Variants in CD1A observed in about 807,000 individuals in gnomAD.
CD1A encodes the protein T-cell surface glycoprotein CD1a.
Under a neutral mutation model 38.3 loss-of-function variants are expected in CD1A, and 50 were observed. That is an observed-to-expected ratio of 1.30 (90% CI 1.04 to 1.65). The LOEUF (loss-of-function observed/expected upper bound fraction) is 1.65. Ranked by LOEUF, CD1A falls within the 40% of genes most tolerant of loss-of-function variation. CD1A has a pLI of 0.00. For missense variants in CD1A, 459 were observed against 406.1 expected, an observed-to-expected ratio of 1.13 and a Z score of -1.12; for synonymous variants, 160 against 150.8, an observed-to-expected ratio of 1.06 and a Z score of -0.45.
chr1:158,255,704 C>A (rs1650236322), intron 2 of CD1A, among the ~76,000 whole-genome samples: 1 of 152,156 alleles, frequency 6.6e-6, no homozygotes, highest in Non-Finnish European at 1.5e-5. Context: ...TCAATTGTAA[C>A]CCATTGCATT....
rs905569416 is a variant in CD1A, at chr1:158,254,456, G to C, written c.-214G>C. On this transcript the variant is annotated 5_prime_UTR_variant, in exon 1 of 6. Coordinates refer to ENST00000289429, the MANE Select transcript of CD1A (RefSeq NM_001763.3). ...AGGTTGGTGACAAGGAGAGAAGCTG[G>C]AACAGAGAGGAGAGTCAGAACCAGA... 4.3e-6 allele frequency: 6 copies of C among 1,391,774 alleles called. No homozygotes were observed. In the African/African-American group the frequency reaches 8.8e-5, roughly 20 times the overall value. The allele number at this position is 1,391,774 out of a possible 1,614,324, so 86.2% of individuals were successfully genotyped here. A position where few individuals can be genotyped will look rare whatever the true frequency, so the allele number is the denominator to read the frequency against.
In CD1A at chr1:158,254,829, GT is replaced by G. The variant is rs1650191432; in HGVS notation, c.58+103del. ...TGTGTGTGTGTGTGTGTGTGTGTGTGTGTGGTTTCCCTAGCATATACCTGGA... is the reference window on the plus strand; with the variant it reads ...TGTGTGTGTGTGTGTGTGTGTGTGTGGTGGTTTCCCTAGCATATACCTGGA... On this transcript the variant is annotated intron_variant, in intron 1 of 5. Transcript: ENST00000289429. 20 of 660,706 alleles carry G rather than the reference GT, an allele frequency of 3.0e-5. No individual in the cohort carries two copies. In the South Asian group the frequency reaches 3.3e-4, roughly 11 times the overall value. 40.9% of individuals were successfully genotyped at this position (660,706 alleles called of 1,614,324 possible). A position where few individuals can be genotyped will look rare whatever the true frequency, so the allele number is the denominator to read the frequency against.
At chr1:158,254,752 T>C in intron 1 of CD1A, 25 bp downstream of exon 1, 1 of 1,526,070 alleles carries the variant, frequency 6.6e-7, no homozygotes. Flanking sequence ...AACTGCCCAG[T>C]TGGGTGGTGG....
At chr1:158,250,260 C>T (rs1411628804), upstream of CD1A, among the ~76,000 whole-genome samples, 1 of 152,172 alleles carries the variant, frequency 6.6e-6, no homozygotes, top group Non-Finnish European at 1.5e-5. Context: ...GAGCAGATGG[C>T]AGAGAATCAG....
chr1:158,250,088 A>G (rs1353820576), upstream of CD1A, among the ~76,000 whole-genome samples: 2 of 152,232 alleles, frequency 1.3e-5, no homozygotes, highest in Non-Finnish European at 2.9e-5. Flanking sequence ...CATGCCCCCA[A>G]ATCTTATTCT....
intron 3 of CD1A, 83 bp downstream of exon 3, chr1:158,256,365 A>G (rs1650258047): frequency 4.4e-6 from 6 of 1,354,188 alleles, no homozygotes; most frequent in Non-Finnish European, 6.1e-6. Context: ...AGAATAAGGA[A>G]GAGCCACCCA....
At chr1:158,253,556 C>T (rs181163277), upstream of CD1A, among the ~76,000 whole-genome samples, 6 of 152,102 alleles carry the variant, frequency 3.9e-5, no homozygotes, top group South Asian at 1.0e-3. Context: ...TGAATATCAC[C>T]TCCATAATTA....
chr1:158,248,362 A>G, the CD1A span: 807 of 985,092 alleles, frequency 8.2e-4, 6 homozygotes, highest in African/African-American at 0.013. Context: ...GAGAGCTTCA[A>G]TGGGGAAGGA....
intron 1 of CD1A, 63 bp from the exon 2 acceptor site, chr1:158,255,021 C>T (rs990232671): frequency 1.2e-5 from 19 of 1,549,980 alleles, no homozygotes; most frequent in Middle Eastern, 3.7e-4. Context: ...ACTCTGGCAC[C>T]TTTCTCTCTC....
chr1:158,255,669 T>C (rs1165869590), intron 2 of CD1A, among the ~76,000 whole-genome samples: 1 of 152,200 alleles, frequency 6.6e-6, no homozygotes, highest in Admixed American at 6.5e-5. Context: ...TCATTCATTC[T>C]CTTCAGCAGT....
At position 158,256,927 on chromosome 1, in the gene CD1A, G is replaced by A. The variant is rs140268166; in HGVS notation, c.746G>A (p.Arg249Gln). The A allele has an allele frequency of 6.2e-6, 10 of 1,614,066 alleles. No individual in the cohort carries two copies. The African/African-American group carries it at 9.3e-5, about 15-fold the overall frequency. ...GAGCAGGAGCAGCAGGGCACTCAGC[G>A]AGGGGACATCTTGCCCAGTGCTGAT... ...RGEQEQQGTQ[R>Q]GDILPSADGT... The change falls in exon 4 of 6, where the codon CGA becomes CAA. Residue 249 changes from arginine to glutamine, a missense_variant. By Grantham distance (43) the Arg-to-Gln change is conservative. Transcript: ENST00000289429.
upstream of CD1A, among the ~76,000 whole-genome samples, chr1:158,251,209 C>T (rs964734281): frequency 6.6e-5 from 10 of 152,222 alleles, no homozygotes; most frequent in East Asian, 7.7e-4. Context: ...ATCACATGTT[C>T]GTCTTCATTG....
chr1:158,257,022 A>C lies in CD1A; in HGVS notation c.841A>C (p.Lys281Gln). The C allele has an allele frequency of 6.2e-7, 1 of 1,614,058 alleles. No individual in the cohort carries two copies. The highest frequency in any genetic ancestry group is 8.5e-7 in the Non-Finnish European group (1 of 1,179,940). ...GGCAGCTGACCTGTCCTGTCGGGTG[A>C]AGCACAGCAGTCTAGAGGGCCAGGA... Reference protein sequence around the residue: ...GEAADLSCRVKHSSLEGQDIV... With the variant: ...GEAADLSCRVQHSSLEGQDIV... The change falls in exon 4 of 6, where the codon AAG becomes CAG. Residue 281 changes from lysine (K) to glutamine (Q), a missense_variant. Physicochemically the swap from Lys to Gln is moderately conservative, Grantham distance 53 (BLOSUM62 1). Transcript: ENST00000289429.
rs891056787 is a variant in CD1A at position 158,257,462 on chromosome 1, G to A, written c.925G>A (p.Val309Met). ...SVGFIILAVI[V>M]PLLLLIGLAL... Reference sequence around the variant, plus strand: ...GGGCTTCATCATCTTGGCGGTGATAGTGCCTTTACTTCTTCTGATAGGTCT... The same window carrying A: ...GGGCTTCATCATCTTGGCGGTGATAATGCCTTTACTTCTTCTGATAGGTCT... Residue 309 changes from valine (V) to methionine (M), a missense_variant, in exon 5 of 6, where the codon GTG becomes ATG. By Grantham distance (21) the Val-to-Met change is conservative. Coordinates refer to ENST00000289429, the MANE Select transcript of CD1A (RefSeq NM_001763.3). 2.5e-6 allele frequency: 4 copies of A among 1,614,048 alleles called. No individual in the cohort carries two copies. The highest frequency in any genetic ancestry group is 3.4e-6 in the Non-Finnish European group (4 of 1,180,006).
chr1:158,252,910 A>T (rs192109737), upstream of CD1A, among the ~76,000 whole-genome samples: 1 of 151,792 alleles, frequency 6.6e-6, no homozygotes, highest in Admixed American at 6.6e-5. Context: ...AACAAAACAA[A>T]ACAAAACAAA....
chr1:158,257,595 C>T (rs1248358609), intron 5 of CD1A, 84 bp downstream of exon 5: 1 of 1,564,396 alleles, frequency 6.4e-7, no homozygotes, highest in Non-Finnish European at 8.8e-7. Context: ...CTCCTCAGTT[C>T]TTCTCTCCCC....
In CD1A at chr1:158,255,234, G is replaced by C; in HGVS notation, c.209G>C (p.Trp70Ser). The C allele has an allele frequency of 6.2e-7, 1 of 1,614,064 alleles. No homozygotes were observed. The highest frequency in any genetic ancestry group is 8.5e-7 in the Non-Finnish European group (1 of 1,180,018). Residue 70 changes from tryptophan to serine, a missense_variant, in exon 2 of 6, where the codon TGG (tryptophan) becomes TCG (serine). Coordinates refer to ENST00000289429, the MANE Select transcript of CD1A (RefSeq NM_001763.3). ...AGCACCATCGTTTTCCTGTGCCCCT[G>C]GTCCAGGGGAAACTTCAGCAATGAG... ...NSSTIVFLCP[W>S]SRGNFSNEEW...
intron 4 of CD1A, 36 bp from the exon 5 acceptor site, chr1:158,257,385 G>T (rs1450268399): frequency 2.0e-6 from 3 of 1,493,490 alleles, no homozygotes; most frequent in Non-Finnish European, 2.8e-6. Flanking sequence ...AAATGGGATG[G>T]ATTATAACAT....
At chr1:158,256,652 A>T in intron 3 of CD1A, 134 bp from the exon 4 acceptor site, 1 of 996,362 alleles carries the variant, frequency 1.0e-6, no homozygotes, top group Non-Finnish European at 1.5e-6. Flanking sequence ...ATTGCAGCAT[A>T]GTGACAGAGT....
Sources: allele counts gnomAD v4.1 joint callset (sites outside exome capture counted in the v4.1 genomes callset), GRCh38; gene constraint gnomAD v4.1.1; transcripts MANE v1.5; gene names NCBI Gene and HGNC (gene_info 2026-07-23, HGNC 2026-07-21).